The following MSH3 variants were observed in gnomAD, a reference collection of about 807,000 sequenced individuals.
MSH3 encodes mutS homolog 3.
MSH3 carries 106 observed loss-of-function variants against 123.3 expected under a neutral mutation model. The ratio of observed to expected loss-of-function variants is 0.86; its 90% CI spans 0.73 to 1.01. MSH3 has a LOEUF of 1.01. MSH3 is among the 50% of genes least tolerant of loss of function. MSH3 has a pLI of 0.00. For missense variants in MSH3, 1,459 were observed against 1,347.6 expected (o/e 1.08, Z -1.29); for synonymous variants, 515 against 481.4 (o/e 1.07, Z -0.91).
At chr5:80,694,583 T>G (rs964199076) in intron 8 of MSH3, among the ~76,000 whole-genome samples, 17 of 152,238 alleles carry the variant, frequency 1.1e-4, no homozygotes, top group African/African-American at 3.6e-4. Context: ...TTCCTGATGT[T>G]CTAAGGTTTC....
chr5:80,810,085 AT>A (rs1744978521), intron 19 of MSH3, among the ~76,000 whole-genome samples: 6 of 150,454 alleles, frequency 4.0e-5, no homozygotes. Context: ...CTTTTTCTCC[AT>A]CTTCATCTCC....
intron 19 of MSH3, among the ~76,000 whole-genome samples, chr5:80,799,448 A>C (rs1744752860): frequency 7.2e-6 from 1 of 138,470 alleles, no homozygotes; most frequent in African/African-American, 2.7e-5. Context: ...TTCTCCCATA[A>C]TTCTTCTTTA....
chr5:80,798,987 C>A (rs1744745894), intron 19 of MSH3, among the ~76,000 whole-genome samples: 1 of 152,188 alleles, frequency 6.6e-6, no homozygotes, highest in Non-Finnish European at 1.5e-5. Flanking sequence ...ACTTTTGTTA[C>A]ACAAGTGTAG....
intron 20 of MSH3, among the ~76,000 whole-genome samples, chr5:80,851,322 C>G (rs1436760337): frequency 6.6e-6 from 1 of 152,084 alleles, no homozygotes; most frequent in Non-Finnish European, 1.5e-5. Context: ...TACCCTTTCC[C>G]CGCAGCACTC....
intron 23 of MSH3, 71 bp downstream of exon 23, chr5:80,873,358 G>A (rs6151930): frequency 1.4e-4 from 213 of 1,505,410 alleles, no homozygotes; most frequent in African/African-American, 5.3e-4. Flanking sequence ...AGAGAGGAGC[G>A]TCCTAAAAAT....
At chr5:80,695,343 C>CT (rs1259103850) in intron 8 of MSH3, among the ~76,000 whole-genome samples, 10 of 150,174 alleles carry the variant, frequency 6.7e-5, no homozygotes, top group South Asian at 2.1e-4. Context: ...TTCATTTTTT[C>CT]TTTTTTTTTG....
intron 12 of MSH3, among the ~76,000 whole-genome samples, chr5:80,748,389 CT>C (rs1184452866): frequency 6.6e-6 from 1 of 152,042 alleles, no homozygotes; most frequent in Non-Finnish European, 1.5e-5. Context: ...TTTTACTTTA[CT>C]TATTGACTGA....
At chr5:80,853,823 T>G (rs1411580294) in intron 20 of MSH3, among the ~76,000 whole-genome samples, 1 of 152,204 alleles carries the variant, frequency 6.6e-6, no homozygotes, top group Non-Finnish European at 1.5e-5. Flanking sequence ...TGTTTTGTCC[T>G]GTGAATACCA....
At chr5:80,824,171 G>A (rs889324786) in intron 20 of MSH3, among the ~76,000 whole-genome samples, 7 of 152,094 alleles carry the variant, frequency 4.6e-5, no homozygotes, top group African/African-American at 1.7e-4. Context: ...CCACAAAACC[G>A]CCATCGTCAT....
chr5:80,728,379 T>G (rs1743341670), intron 9 of MSH3, among the ~76,000 whole-genome samples: 2 of 152,204 alleles, frequency 1.3e-5, no homozygotes, highest in South Asian at 2.1e-4. Flanking sequence ...TGCAGATAAT[T>G]GGAAGTCATT....
In MSH3 at chr5:80,656,266, T is replaced by G. The variant is rs1213385265; in HGVS notation, c.238-145T>G. 4 of 1,078,772 alleles carry G rather than the reference T, an allele frequency of 3.7e-6. No homozygotes were observed. In the African/African-American group the frequency reaches 4.7e-5, roughly 13 times the overall value. The allele number at this position is 1,078,772 out of a possible 1,614,324, so 66.8% of individuals were successfully genotyped here. ...TGTTAAAAACAGTTCACCCATAGGG[T>G]TTTCCAGAGCTAAAAGTAGAGGATT... On this transcript the variant is annotated intron_variant, in intron 1 of 23. Coordinates refer to ENST00000265081, the MANE Select transcript of MSH3 (RefSeq NM_002439.5).
intron 9 of MSH3, among the ~76,000 whole-genome samples, chr5:80,725,851 T>G (rs1430916761): frequency 1.3e-5 from 2 of 152,146 alleles, no homozygotes; most frequent in Non-Finnish European, 2.9e-5. Context: ...TCCTGTCTGT[T>G]AAAAAACAAA....
chr5:80,860,908 T>C (rs1197478248), intron 21 of MSH3, among the ~76,000 whole-genome samples: 1 of 152,234 alleles, frequency 6.6e-6, no homozygotes. Context: ...TAAGATGTCC[T>C]CAAGCTCAGA....
At chr5:80,721,148 A>T (rs1388574648) in intron 8 of MSH3, among the ~76,000 whole-genome samples, 3 of 152,156 alleles carry the variant, frequency 2.0e-5, no homozygotes, top group African/African-American at 7.2e-5. Flanking sequence ...GATTTCTTTC[A>T]CAAAATATGA....
chr5:80,859,712 CTTTTTT>C (rs373044585), intron 21 of MSH3, among the ~76,000 whole-genome samples: 6 of 130,152 alleles, frequency 4.6e-5, no homozygotes, highest in African/African-American at 1.7e-4. Context: ...CATTTTCTCT[CTTTTTT>C]TTTTTTTTTG....
intron 12 of MSH3, among the ~76,000 whole-genome samples, chr5:80,744,873 G>A (rs1238184156): frequency 6.6e-6 from 1 of 151,566 alleles, no homozygotes; most frequent in Non-Finnish European, 1.5e-5. Context: ...TTTTGTGGAG[G>A]GTTTTGAAGG....
At chr5:80,835,877 C>G (rs748042614) in intron 20 of MSH3, among the ~76,000 whole-genome samples, 2 of 151,520 alleles carry the variant, frequency 1.3e-5, no homozygotes, top group African/African-American at 4.9e-5. Context: ...ATTGCACCAC[C>G]GTACTCCAGC....
At chr5:80,670,376 T>C in intron 4 of MSH3, 67 bp downstream of exon 4, 1 of 1,495,422 alleles carries the variant, frequency 6.7e-7, no homozygotes, top group Non-Finnish European at 9.3e-7. Flanking sequence ...TTCAGTATTT[T>C]TGTTTCATTT....
intron 11 of MSH3, among the ~76,000 whole-genome samples, chr5:80,742,749 C>T (rs573979951): frequency 2.0e-5 from 3 of 152,126 alleles, no homozygotes; most frequent in Non-Finnish European, 4.4e-5. Flanking sequence ...CGGTCTGTCT[C>T]GTCAACTCTG....
Sources: gnomAD v4.1 joint callset for allele counts (sites outside exome capture counted in the v4.1 genomes callset) on GRCh38, gnomAD v4.1.1 for gene constraint, MANE v1.5 for transcripts, NCBI Gene and HGNC (gene_info 2026-07-23, HGNC 2026-07-21) for gene names.